The following GRM8 variants were observed in gnomAD, a reference collection of about 807,000 sequenced individuals.
GRM8 encodes glutamate metabotropic receptor 8.
GRM8 carries 47 observed loss-of-function variants against 87.2 expected under a neutral mutation model. The ratio of observed to expected loss-of-function variants is 0.54; its 90% CI spans 0.43 to 0.69. The LOEUF (loss-of-function observed/expected upper bound fraction) is 0.69. Among genes scored for constraint, GRM8 ranks in the 30% least tolerant of loss-of-function variants. The pLI is 0.00. For missense variants in GRM8, 1,019 were observed against 1,139.2 expected (o/e 0.89, Z 1.52); for synonymous variants, 396 against 404.5 (o/e 0.98, Z 0.25).
intron 3 of GRM8, among the ~76,000 whole-genome samples, chr7:127,030,980 G>A (rs1817305333): frequency 1.3e-5 from 2 of 152,070 alleles, no homozygotes; most frequent in Admixed American, 1.3e-4. Flanking sequence ...AAGAGCAGCT[G>A]GACTATAACT....
In GRM8 at chr7:126,803,818, G is replaced by T. The variant is rs796740727; in HGVS notation, c.1157-33753C>A. Among the ~76,000 whole-genome samples, 9 of 152,298 alleles carry T rather than the reference G, an allele frequency of 5.9e-5. 1 individual carries two copies. Among genetic ancestry groups the T allele is most frequent in the African/African-American group, 2.2e-4 (9 of 41,546 alleles). On this transcript the variant is annotated intron_variant, in intron 6 of 10. Coordinates refer to ENST00000339582, the MANE Select transcript of GRM8 (RefSeq NM_000845.3). Reference sequence around the variant, plus strand: ...TATTCTCGTTAAACCTAACTGTCTTGCTCTATAACATAGTGTTAAGGATAC... The same window carrying T: ...TATTCTCGTTAAACCTAACTGTCTTTCTCTATAACATAGTGTTAAGGATAC...
At chr7:126,896,646 A>T (rs1801569339) in intron 6 of GRM8, among the ~76,000 whole-genome samples, 2 of 152,300 alleles carry the variant, frequency 1.3e-5, no homozygotes, top group Middle Eastern at 3.4e-3. Context: ...CAGGTCTTCC[A>T]GGGAGCTAAT....
chr7:126,705,531 T>C (rs1485276476), intron 7 of GRM8, among the ~76,000 whole-genome samples: 2 of 152,174 alleles, frequency 1.3e-5, no homozygotes, highest in Non-Finnish European at 2.9e-5. Context: ...CAAGCCTATC[T>C]GTGTACGTGT....
intron 8 of GRM8, among the ~76,000 whole-genome samples, chr7:126,540,498 T>C (rs1816408911): frequency 1.3e-5 from 2 of 152,114 alleles, no homozygotes; most frequent in African/African-American, 4.8e-5. Flanking sequence ...TAAATGTTCA[T>C]AACAGGATTA....
At chr7:126,803,799 C>G (rs1792359908) in intron 6 of GRM8, among the ~76,000 whole-genome samples, 1 of 152,202 alleles carries the variant, frequency 6.6e-6, no homozygotes, top group Non-Finnish European at 1.5e-5. Context: ...TATTTATTCT[C>G]GTTAAACCTA....
intron 6 of GRM8, among the ~76,000 whole-genome samples, chr7:126,834,300 C>A (rs1795654083): frequency 6.6e-6 from 1 of 152,148 alleles, no homozygotes; most frequent in South Asian, 2.1e-4. Flanking sequence ...TAAGGGGAAA[C>A]AATACATGGG....
At chr7:127,102,274 G>C (rs951530057) in intron 3 of GRM8, among the ~76,000 whole-genome samples, 4 of 152,244 alleles carry the variant, frequency 2.6e-5, no homozygotes, top group African/African-American at 7.2e-5. Context: ...CCATGGGGCA[G>C]AGAAAGAAAA....
chr7:126,472,807 A>G (rs927191152), intron 9 of GRM8, among the ~76,000 whole-genome samples: 2 of 152,194 alleles, frequency 1.3e-5, no homozygotes, highest in Non-Finnish European at 2.9e-5. Context: ...TGCTTCGTGC[A>G]GTCTCGGGAC....
chr7:126,870,461 C>T (rs1266409121), intron 6 of GRM8: 1 of 152,200 alleles, frequency 6.6e-6, no homozygotes, highest in Non-Finnish European at 1.5e-5. Flanking sequence ...CATTAAGCTT[C>T]ATCTTTTCTG....
At chr7:126,641,471 G>C (rs142023433) in intron 7 of GRM8, among the ~76,000 whole-genome samples, 11 of 152,308 alleles carry the variant, frequency 7.2e-5, no homozygotes, top group South Asian at 2.1e-4. Flanking sequence ...AATAGTATGT[G>C]ACATGGAGTA....
chr7:127,139,302 T>C lies in GRM8; in HGVS notation c.511-32590A>G, dbSNP rs145825377. On this transcript the variant is annotated intron_variant, in intron 2 of 10. Transcript: ENST00000339582. ...ACCTATTGAGGGCCTCATGTTCTTCTTACCACAGAAAAGAGATAACAAAAT... is the reference window on the plus strand; with the variant it reads ...ACCTATTGAGGGCCTCATGTTCTTCCTACCACAGAAAAGAGATAACAAAAT... 4.8e-4 allele frequency among the ~76,000 whole-genome samples: 73 copies of C among 152,228 alleles called. 1 individual carries two copies. In the East Asian group the frequency reaches 0.013, roughly 26 times the overall value.
chr7:126,656,860 T>C (rs2151267141), intron 7 of GRM8, among the ~76,000 whole-genome samples: 1 of 152,270 alleles, frequency 6.6e-6, no homozygotes, highest in South Asian at 2.1e-4. Flanking sequence ...AAGCATAGCC[T>C]TTAAAAGCTA....
intron 9 of GRM8, among the ~76,000 whole-genome samples, chr7:126,499,790 CTG>C (rs1491173792): frequency 2.0e-5 from 3 of 151,676 alleles, no homozygotes; most frequent in Non-Finnish European, 4.4e-5. Context: ...TTACCAGAGG[CTG>C]GGGGGAGGTG....
chr7:127,133,304 G>A (rs1178377810), intron 2 of GRM8, among the ~76,000 whole-genome samples: 3 of 151,998 alleles, frequency 2.0e-5, no homozygotes, highest in Admixed American at 6.6e-5. Context: ...TGTAATCCCA[G>A]CTACTCAGGA....
chr7:126,781,617 T>C (rs773435052), intron 6 of GRM8, among the ~76,000 whole-genome samples: 90 of 152,238 alleles, frequency 5.9e-4, no homozygotes, highest in Non-Finnish European at 1.5e-4. Flanking sequence ...TGAAGTATTA[T>C]CACGGGAACA....
intron 9 of GRM8, among the ~76,000 whole-genome samples, chr7:126,484,443 TAAG>T (rs1021859084): frequency 1.3e-5 from 2 of 152,036 alleles, no homozygotes; most frequent in Non-Finnish European, 2.9e-5. Context: ...GAAATATTAA[TAAG>T]AAGTGCTCAT....
chr7:126,464,260 G>A (rs987096717), intron 9 of GRM8, among the ~76,000 whole-genome samples: 7 of 151,564 alleles, frequency 4.6e-5, no homozygotes, highest in African/African-American at 1.5e-4. Context: ...TCTGATAAAC[G>A]TATAGCTACC....
At chr7:126,853,041 G>C (rs1256113671) in intron 6 of GRM8, among the ~76,000 whole-genome samples, 1 of 152,152 alleles carries the variant, frequency 6.6e-6, no homozygotes, top group Admixed American at 6.5e-5. Context: ...ACAATTTTGT[G>C]ATGGATGGAA....
intron 7 of GRM8, among the ~76,000 whole-genome samples, chr7:126,621,099 T>C (rs909426224): frequency 3.3e-5 from 5 of 152,244 alleles, no homozygotes; most frequent in African/African-American, 4.8e-5. Flanking sequence ...CCATAGGAAG[T>C]AGCAATTTTC....
Sources: gnomAD v4.1 joint callset for allele counts (sites outside exome capture counted in the v4.1 genomes callset) on GRCh38, gnomAD v4.1.1 for gene constraint, MANE v1.5 for transcripts, NCBI Gene and HGNC (gene_info 2026-07-23, HGNC 2026-07-21) for gene names.